The following COL7A1 variants were observed in gnomAD, a reference collection of about 807,000 sequenced individuals.
The protein encoded by COL7A1 is collagen type VII alpha 1 chain.
In COL7A1, 296 loss-of-function variants were observed where a neutral mutation model predicts 456.2. The observed-to-expected ratio is 0.65, with a 90% confidence interval of 0.59 to 0.71. COL7A1 has a LOEUF of 0.71. COL7A1 is among the 30% of genes least tolerant of loss of function. The pLI is 0.00. For missense variants in COL7A1, 3,441 were observed against 4,017.2 expected, an observed-to-expected ratio of 0.86 and a Z score of 3.88; for synonymous variants, 1,464 against 1,525.9, an observed-to-expected ratio of 0.96 and a Z score of 0.95.
In COL7A1 at chr3:48,592,363, G is replaced by A. The variant is rs776805869; in HGVS notation, c.1081C>T (p.Arg361Trp). 4.3e-6 allele frequency: 7 copies of A among 1,613,488 alleles called. No individual in the cohort carries two copies. The highest frequency in any genetic ancestry group is 1.3e-5 in the African/African-American group (1 of 75,046). The part of the protein sequence containing the change: ...PGATGYRVTW[R>W]VLSGGPTQQQ... Reference sequence around the variant, plus strand: ...ATCTCTCACTCACCACTGAGGACCCGCCATGTCACACGGTAGCCAGTGGCA... The same window carrying A: ...ATCTCTCACTCACCACTGAGGACCCACCATGTCACACGGTAGCCAGTGGCA... Residue 361 changes from arginine (R) to tryptophan (W), a missense_variant, in exon 9 of 119, where the codon CGG (arginine) becomes TGG (tryptophan). Physicochemically the swap from Arg to Trp is moderately radical, Grantham distance 101. Transcript: ENST00000681320. The surrounding 1 kb of genome is among the most constrained non-coding windows in gnomAD (Gnocchi z 7.6).
At position 48,592,402 on chromosome 3, in the gene COL7A1, G is replaced by A. The variant is rs767174168; in HGVS notation, c.1042C>T (p.Arg348Trp). ...TTAHSLLVAWRSVPGATGYRV... is the reference protein window; with the variant it reads ...TTAHSLLVAWWSVPGATGYRV... ...TAGCCAGTGGCACCTGGCACACTCC[G>A]CCAGGCCACCAGGAGGCTGTGGGCT... The change falls in exon 9 of 119, where the codon CGG becomes TGG. Residue 348 changes from arginine to tryptophan, a missense_variant. Arg to Trp is a moderately radical substitution (Grantham distance 101, BLOSUM62 -3). This residue lies in a region of COL7A1 where 913 missense variants were observed against 1,088.2 expected (regional missense o/e 0.84). Coordinates refer to ENST00000681320, the MANE Select transcript of COL7A1 (RefSeq NM_000094.4). The surrounding 1 kb of genome is among the most constrained non-coding windows in gnomAD (Gnocchi z 7.6). The A allele has an allele frequency of 6.2e-6, 10 of 1,613,666 alleles. No individual in the cohort carries two copies. Among genetic ancestry groups the A allele is most frequent in the African/African-American group, 2.7e-5 (2 of 74,934 alleles).
At position 48,570,992 on chromosome 3, in the gene COL7A1, G is replaced by A; in HGVS notation, c.7165-24C>T. On this transcript the variant is annotated intron_variant, in intron 94 of 118. Transcript: ENST00000681320. The surrounding 1 kb of genome is among the most constrained non-coding windows in gnomAD (Gnocchi z 5.5). ...CCCTGAAATAAAAACAGCAAAGGGA[G>A]GGAATGGTCAATGCAGGACCCCTCC... is the stretch of plus-strand genomic sequence containing the variant. 1.2e-6 allele frequency: 2 copies of A among 1,612,910 alleles called. No individual in the cohort carries two copies. The highest frequency in any genetic ancestry group is 1.7e-6 in the Non-Finnish European group (2 of 1,179,378).
intron 65 of COL7A1, among the ~76,000 whole-genome samples, chr3:48,577,702 C>T (rs1384620444): frequency 6.6e-6 from 1 of 152,176 alleles, no homozygotes; most frequent in Non-Finnish European, 1.5e-5. Flanking sequence ...TCTCTAAGTG[C>T]CCCAAATGTG....
Position 48,575,216 on chromosome 3 carries a change from A to G in COL7A1, c.6207T>C (p.Arg2069=), listed in dbSNP as rs1180409299. ...ERGERGEKGE[R]GEQGRDGPPG... is the part of the protein sequence containing the mutation. ...GCCCATCGCAGCCCACCTGTTCTCC[A>G]CGTTCTCCTTTCTCTCCCCGTTCTC... The change falls in exon 75 of 119, where the codon CGT becomes CGC. Residue 2069 remains arginine (R), a synonymous_variant. Transcript: ENST00000681320. The surrounding 1 kb of genome is among the most constrained non-coding windows in gnomAD (Gnocchi z 6.3). The G allele has an allele frequency of 1.9e-6, 3 of 1,613,934 alleles. No homozygotes were observed. Among genetic ancestry groups the G allele is most frequent in the East Asian group, 2.2e-5 (1 of 44,864 alleles).
rs2107659437 is a variant in COL7A1, at chr3:48,572,867, C to T, written c.6826G>A (p.Val2276Met). Residue 2276 changes from valine (V) to methionine (M), a missense_variant, in exon 87 of 119, where the codon GTG becomes ATG. Physicochemically the swap from Val to Met is conservative, Grantham distance 21 (BLOSUM62 1). This residue lies in a region of COL7A1 where 2,084 missense variants were observed against 2,501.3 expected (regional missense o/e 0.83). Transcript: ENST00000681320. The surrounding 1 kb of genome is among the most constrained non-coding windows in gnomAD (Gnocchi z 4.6). The stretch of plus-strand genomic sequence containing the variant: ...GCTGCCCCCAGAACACATACTGGCA[C>T]ACCAGGGCTCCCTCTGTCTCCATCT... ...GKDGDRGSPGVPGSPGLPGPV... is the reference protein window; with the variant it reads ...GKDGDRGSPGMPGSPGLPGPV... The T allele has an allele frequency of 6.2e-7, 1 of 1,614,096 alleles. No individual in the cohort carries two copies. Among genetic ancestry groups the T allele is most frequent in the Non-Finnish European group, 8.5e-7 (1 of 1,180,008 alleles).
In COL7A1 at chr3:48,581,408, C is replaced by T. The variant is rs1248478681; in HGVS notation, c.4818+40G>A. 6.2e-7 allele frequency: 1 copy of T among 1,613,838 alleles called. No individual in the cohort carries two copies. Among genetic ancestry groups the T allele is most frequent in the South Asian group, 1.1e-5 (1 of 91,074 alleles). On this transcript the variant is annotated intron_variant, in intron 51 of 118. Transcript: ENST00000681320. The surrounding 1 kb of genome is among the most constrained non-coding windows in gnomAD (Gnocchi z 5.8). ...CAAGCAGTTCTCAAGGGGAGGGGAC[C>T]CCAGAAGCCTTGAGGTTGCCCAGGG...
rs2044552557 is a variant in COL7A1, at chr3:48,579,281, T to C, written c.5308-4A>G. On this transcript the variant is annotated splice_region_variant and splice_polypyrimidine_tract_variant and intron_variant, in intron 61 of 118. Coordinates refer to ENST00000681320, the MANE Select transcript of COL7A1 (RefSeq NM_000094.4). The surrounding 1 kb of genome is among the most constrained non-coding windows in gnomAD (Gnocchi z 4.4). The stretch of plus-strand genomic sequence containing the variant: ...GCCCAGGGGGACCCCGGTCACCCTG[T>C]GGAAAATAGAGTGGTAAGAGGCCAC... 6.2e-7 allele frequency: 1 copy of C among 1,613,832 alleles called. No homozygotes were observed. The highest frequency in any genetic ancestry group is 1.7e-5 in the Admixed American group (1 of 60,010).
Position 48,587,758 on chromosome 3 carries a change from C to A in COL7A1, c.2857+35G>T, listed in dbSNP as rs1215835181. On this transcript the variant is annotated intron_variant, in intron 22 of 118. Transcript: ENST00000681320. This position sits in a 1 kb window ranked among gnomAD's most constrained non-coding sequence, Gnocchi z 6.1. Reference sequence around the variant, plus strand: ...GCAGGAAGTCAGGGTGGGTCATCAGCAGGGGAGGAGCACGCCAAGGTGAGG... The same window carrying A: ...GCAGGAAGTCAGGGTGGGTCATCAGAAGGGGAGGAGCACGCCAAGGTGAGG... The A allele has an allele frequency of 6.2e-7, 1 of 1,613,246 alleles. No individual in the cohort carries two copies. Among genetic ancestry groups the A allele is most frequent in the East Asian group, 2.2e-5 (1 of 44,876 alleles).
At position 48,566,994 on chromosome 3, in the gene COL7A1, G is replaced by T; in HGVS notation, c.8139C>A (p.Gly2713=). The T allele has an allele frequency of 6.2e-7, 1 of 1,612,766 alleles. No individual in the cohort carries two copies. The highest frequency in any genetic ancestry group is 1.7e-4 in the Middle Eastern group (1 of 6,058). The part of the protein sequence containing the change: ...RGTPGIGGFP[G]PSGNDGSAGP... ...CAGCAGAGCCATCATTTCCACTGGG[G>T]CCTGGGAAGCCCCCAATTCCTGGGG... Residue 2713 remains glycine (G), a synonymous_variant, in exon 111 of 119, where the codon GGC becomes GGA. Coordinates refer to ENST00000681320, the MANE Select transcript of COL7A1 (RefSeq NM_000094.4). The surrounding 1 kb of genome is among the most constrained non-coding windows in gnomAD (Gnocchi z 5.9).
Position 48,588,353 on chromosome 3 carries a change from TC to T in COL7A1, c.2638del (p.Glu880SerfsTer4), listed in dbSNP as rs2045439040. On this transcript the variant is annotated frameshift_variant, in exon 21 of 119. Coordinates refer to ENST00000681320, the MANE Select transcript of COL7A1 (RefSeq NM_000094.4). LOFTEE classifies it high-confidence loss of function. This position sits in a 1 kb window ranked among gnomAD's most constrained non-coding sequence, Gnocchi z 4.6. ...CTCCCAGCGCAGCCTCAGCGAGTGCTCCCCGCGCTGCACCACGTGAAGCGTC... is the reference window on the plus strand; with the variant it reads ...CTCCCAGCGCAGCCTCAGCGAGTGCTCCCGCGCTGCACCACGTGAAGCGTC... Reference protein sequence around the residue: ...LGTLHVVQRGEHSLRLRWEPV... With the variant: ...LGTLHVVQRGXHSLRLRWEPV... The T allele has an allele frequency of 6.2e-7, 1 of 1,612,362 alleles. No individual in the cohort carries two copies. The highest frequency in any genetic ancestry group is 1.3e-5 in the African/African-American group (1 of 74,846).
At position 48,572,344 on chromosome 3, in the gene COL7A1, C is replaced by A; in HGVS notation, c.6978+36G>T. The stretch of plus-strand genomic sequence containing the variant: ...AGTTAGGCCACTGGAGAGACAGGAC[C>A]CCCAGAACATCTGCTGTCAGAAGTT... On this transcript the variant is annotated intron_variant, in intron 90 of 118. Transcript: ENST00000681320. This position sits in a 1 kb window ranked among gnomAD's most constrained non-coding sequence, Gnocchi z 4.6. 1.2e-6 allele frequency: 2 copies of A among 1,614,106 alleles called. No individual in the cohort carries two copies. Among genetic ancestry groups the A allele is most frequent in the Non-Finnish European group, 1.7e-6 (2 of 1,179,988 alleles).
chr3:48,594,670 G>T lies in COL7A1; in HGVS notation c.86-122C>A. 8.3e-7 allele frequency: 1 copy of T among 1,209,030 alleles called. No homozygotes were observed. Among genetic ancestry groups the T allele is most frequent in the Non-Finnish European group, 1.2e-6 (1 of 865,452 alleles). The allele number at this position is 1,209,030 out of a possible 1,614,324, so 74.9% of individuals were successfully genotyped here. A position where few individuals can be genotyped will look rare whatever the true frequency, so the allele number is the denominator to read the frequency against. On this transcript the variant is annotated intron_variant, in intron 2 of 118. Coordinates refer to ENST00000681320, the MANE Select transcript of COL7A1 (RefSeq NM_000094.4). The surrounding 1 kb of genome is among the most constrained non-coding windows in gnomAD (Gnocchi z 5.5). ...TAGGCCTCATCTTATGCAAACCAGG[G>T]CCGAATCGGCCTGAGCCTGAGGGCC... is the stretch of plus-strand genomic sequence containing the variant.
In COL7A1 at chr3:48,580,658, A is replaced by G. The variant is rs2107707230; in HGVS notation, c.4981-6T>C. ...CCCCGAACTCCAGGTGCCCCCTAAG[A>G]AGAGCAGCTGGCCTGAGACAGACCC... On this transcript the variant is annotated splice_region_variant and splice_polypyrimidine_tract_variant and intron_variant, in intron 54 of 118. Coordinates refer to ENST00000681320, the MANE Select transcript of COL7A1 (RefSeq NM_000094.4). The surrounding 1 kb of genome is among the most constrained non-coding windows in gnomAD (Gnocchi z 4.5). 1 of 1,613,556 alleles carries G rather than the reference A, an allele frequency of 6.2e-7. No individual in the cohort carries two copies.
Position 48,591,789 on chromosome 3 carries a change from G to A in COL7A1, c.1391C>T (p.Ser464Phe). The A allele has an allele frequency of 1.9e-6, 3 of 1,614,212 alleles. No homozygotes were observed. The highest frequency in any genetic ancestry group is 2.5e-6 in the Non-Finnish European group (3 of 1,180,036). The change falls in exon 12 of 119, where the codon TCT becomes TTT. Residue 464 changes from serine to phenylalanine, a missense_variant. This residue lies in a region of COL7A1 where 913 missense variants were observed against 1,088.2 expected (regional missense o/e 0.84). Coordinates refer to ENST00000681320, the MANE Select transcript of COL7A1 (RefSeq NM_000094.4). This position sits in a 1 kb window ranked among gnomAD's most constrained non-coding sequence, Gnocchi z 7.0. ...ATCCAACTGGTAGCGGGTCACATCA[G>A]AGGGCAGTACCACCTTCTGCGGTGG... ...LEPPQKVVLP[S>F]DVTRYQLDGL...
chr3:48,591,349 C>A lies in COL7A1; in HGVS notation c.1636+115G>T. On this transcript the variant is annotated intron_variant, in intron 13 of 118. Coordinates refer to ENST00000681320, the MANE Select transcript of COL7A1 (RefSeq NM_000094.4). This position sits in a 1 kb window ranked among gnomAD's most constrained non-coding sequence, Gnocchi z 7.0. Reference sequence around the variant, plus strand: ...CTTGGGAAGCAGATGGATAACGAGACAGGGAGGAGACTATAGGGACCCAGG... The same window carrying A: ...CTTGGGAAGCAGATGGATAACGAGAAAGGGAGGAGACTATAGGGACCCAGG... 1 of 1,406,320 alleles carries A rather than the reference C, an allele frequency of 7.1e-7. No homozygotes were observed. The allele number at this position is 1,406,320 out of a possible 1,614,324, so 87.1% of individuals were successfully genotyped here. A position where few individuals can be genotyped will look rare whatever the true frequency, so the allele number is the denominator to read the frequency against.
chr3:48,578,577 T>G lies in COL7A1; in HGVS notation c.5425-62A>C. The G allele has an allele frequency of 6.4e-7, 1 of 1,570,056 alleles. No individual in the cohort carries two copies. The highest frequency in any genetic ancestry group is 8.7e-7 in the Non-Finnish European group (1 of 1,143,948). ...GAGATATCCCTTGGGGCACACCCCATGGACTAAGAGGACCCCAAAAAGATC... is the reference window on the plus strand; with the variant it reads ...GAGATATCCCTTGGGGCACACCCCAGGGACTAAGAGGACCCCAAAAAGATC... On this transcript the variant is annotated intron_variant, in intron 63 of 118. Coordinates refer to ENST00000681320, the MANE Select transcript of COL7A1 (RefSeq NM_000094.4). This position sits in a 1 kb window ranked among gnomAD's most constrained non-coding sequence, Gnocchi z 4.7.
At position 48,588,823 on chromosome 3, in the gene COL7A1, G is replaced by A. The variant is rs1401324771; in HGVS notation, c.2441-35C>T. On this transcript the variant is annotated intron_variant, in intron 19 of 118. Coordinates refer to ENST00000681320, the MANE Select transcript of COL7A1 (RefSeq NM_000094.4). The surrounding 1 kb of genome is among the most constrained non-coding windows in gnomAD (Gnocchi z 4.6). ...TGGGCATACAGCAATGGTTAGGGGT[G>A]AGCAGTCCCAGCCAGGAAGGACAGG... 1.9e-6 allele frequency: 3 copies of A among 1,613,484 alleles called. No individual in the cohort carries two copies. Among genetic ancestry groups the A allele is most frequent in the East Asian group, 4.5e-5 (2 of 44,898 alleles).
intron 47 of COL7A1, 131 bp from the exon 48 acceptor site, chr3:48,582,074 C>T (rs1252122954): frequency 2.9e-6 from 4 of 1,384,202 alleles, no homozygotes; most frequent in African/African-American, 2.8e-5. Flanking sequence ...CACAGAGTCA[C>T]CGCTGACAGC....
At position 48,575,443 on chromosome 3, in the gene COL7A1, G is replaced by T. The variant is rs1279700943; in HGVS notation, c.6076C>A (p.Pro2026Thr). ...PPGLALGERG[P>T]PGPSGLAGEP... is the part of the protein sequence containing the mutation. ...CCGGCAAGGCCGGAAGGCCCGGGGG[G>T]GCCCCTCTCCCCAAGGGCCAGACCA... is the stretch of plus-strand genomic sequence containing the variant. The change falls in exon 74 of 119, where the codon CCC becomes ACC. Residue 2026 changes from proline to threonine, a missense_variant. By Grantham distance (38) the Pro-to-Thr change is conservative. Around this residue, in one of 3 missense-constraint regions of COL7A1, gnomAD observed 2,084 missense variants for 2,501.3 expected, o/e 0.83. Coordinates refer to ENST00000681320, the MANE Select transcript of COL7A1 (RefSeq NM_000094.4). The surrounding 1 kb of genome is among the most constrained non-coding windows in gnomAD (Gnocchi z 6.3). 2.5e-6 allele frequency: 4 copies of T among 1,610,228 alleles called. No homozygotes were observed. In the South Asian group the frequency reaches 4.4e-5, roughly 18 times the overall value.
Sources: allele counts gnomAD v4.1 joint callset (sites outside exome capture counted in the v4.1 genomes callset), GRCh38; gene constraint gnomAD v4.1.1; regional missense constraint gnomAD v4.1.1; non-coding constraint Gnocchi (gnomAD v3.1); transcripts MANE v1.5; gene names NCBI Gene and HGNC (gene_info 2026-07-23, HGNC 2026-07-21).